Variants in LYVE1 observed in about 807,000 individuals in gnomAD.
The protein encoded by LYVE1 is lymphatic vessel endothelial hyaluronan receptor 1.
A neutral mutation model predicts 31.5 loss-of-function variants in LYVE1; 29 were observed. The ratio of observed to expected loss-of-function variants is 0.92; its 90% CI spans 0.69 to 1.26. LYVE1 has a LOEUF of 1.26. LYVE1 is among the 50% of genes most tolerant of loss of function. LYVE1 has a pLI of 0.00. For missense variants in LYVE1, 376 were observed against 380.2 expected (o/e 0.99, Z 0.09); for synonymous variants, 134 against 139.4 (o/e 0.96, Z 0.27).
At chr11:10,567,867 A>G (rs1850573276) in intron 1 of LYVE1, among the ~76,000 whole-genome samples, 1 of 152,240 alleles carries the variant, frequency 6.6e-6, no homozygotes, top group Admixed American at 6.5e-5. Flanking sequence ...TAAAATCAAA[A>G]TTAAAATAAT....
At chr11:10,568,301 T>C (rs895297780) in intron 1 of LYVE1, 147 bp downstream of exon 1, 4 of 532,724 alleles carry the variant, frequency 7.5e-6, no homozygotes, top group Non-Finnish European at 1.3e-5. Context: ...GACAATATGG[T>C]GGTACATTTT....
intron 1 of LYVE1, among the ~76,000 whole-genome samples, chr11:10,565,121 T>C (rs1850509626): frequency 6.6e-6 from 1 of 152,180 alleles, no homozygotes; most frequent in East Asian, 1.9e-4. Flanking sequence ...CTGAATAGGG[T>C]AGTGAAAGTT....
At chr11:10,566,568 G>A (rs895638082) in intron 1 of LYVE1, among the ~76,000 whole-genome samples, 1 of 152,122 alleles carries the variant, frequency 6.6e-6, no homozygotes, top group Non-Finnish European at 1.5e-5. Flanking sequence ...TATTGCTCAG[G>A]TCTCTTATAG....
At chr11:10,559,376 T>C in intron 5 of LYVE1, 79 bp from the exon 6 acceptor site, 2 of 1,075,122 alleles carry the variant, frequency 1.9e-6, no homozygotes, top group Non-Finnish European at 2.8e-6. Flanking sequence ...ATGGTACATA[T>C]TGGCACAGTA....
At chr11:10,565,187 C>G (rs1057355589) in intron 1 of LYVE1, among the ~76,000 whole-genome samples, 1 of 152,164 alleles carries the variant, frequency 6.6e-6, no homozygotes, top group Non-Finnish European at 1.5e-5. Context: ...ATGGTAGGTG[C>G]TTAATAAATC....
In LYVE1 at chr11:10,568,623, T is replaced by G; in HGVS notation, c.-91A>C. ...CTCAATAACTAGTCCGGATGGAGAG[T>G]TCTGGAACTATGTTGAGGCTCACAC... On this transcript the variant is annotated 5_prime_UTR_variant, in exon 1 of 6. Coordinates refer to ENST00000256178, the MANE Select transcript of LYVE1 (RefSeq NM_006691.4). 6.7e-7 allele frequency: 1 copy of G among 1,482,544 alleles called. No homozygotes were observed. Among genetic ancestry groups the G allele is most frequent in the Non-Finnish European group, 9.0e-7 (1 of 1,109,412 alleles). 91.8% of individuals were successfully genotyped at this position (1,482,544 alleles called of 1,614,324 possible).
Position 10,563,985 on chromosome 11 carries a change from C to G in LYVE1, c.352G>C (p.Val118Leu), listed in dbSNP as rs753037247. 1.9e-6 allele frequency: 3 copies of G among 1,614,160 alleles called. No homozygotes were observed. Among genetic ancestry groups the G allele is most frequent in the African/African-American group, 1.3e-5 (1 of 75,020 alleles). ...KNGVGVLIWK[V>L]PVSRQFAAYC... ...GCTGCAAACTGTCGGCTCACTGGAA[C>G]CTTCCAAATCAGGACACCCACCCCA... The change falls in exon 3 of 6, where the codon GTT (valine) becomes CTT (leucine). Residue 118 changes from valine to leucine, a missense_variant. Transcript: ENST00000256178.
At chr11:10,559,433 A>C (rs1591512364) in intron 5 of LYVE1, 136 bp from the exon 6 acceptor site, 3 of 648,606 alleles carry the variant, frequency 4.6e-6, no homozygotes, top group East Asian at 5.4e-5. Flanking sequence ...TGCATGCTCT[A>C]ATACATTAAG....
intron 3 of LYVE1, among the ~76,000 whole-genome samples, chr11:10,563,144 G>A (rs1318757926): frequency 3.3e-5 from 5 of 151,778 alleles, no homozygotes; most frequent in South Asian, 2.1e-4. Flanking sequence ...TAGTAGAGAC[G>A]GGGTTTCACC....
At chr11:10,564,959 A>G (rs1357707878) in intron 1 of LYVE1, among the ~76,000 whole-genome samples, 1 of 152,176 alleles carries the variant, frequency 6.6e-6, no homozygotes, top group Non-Finnish European at 1.5e-5. Context: ...GAAAAACTAA[A>G]TGAAGAAAGC....
rs1564876717 is a variant in LYVE1, at chr11:10,559,068, G to GAAAGA, written c.*38_*42dup. The stretch of plus-strand genomic sequence containing the variant: ...CCAGCTGGGGCAGGGTAAGGAGCAT[G>GAAAGA]AAAGAAACCAGCCTCAGGTGTGTCT... On this transcript the variant is annotated 3_prime_UTR_variant, in exon 6 of 6. Transcript: ENST00000256178. 1 of 1,584,520 alleles carries GAAAGA rather than the reference G, an allele frequency of 6.3e-7. No individual in the cohort carries two copies. Among genetic ancestry groups the GAAAGA allele is most frequent in the East Asian group, 2.2e-5 (1 of 44,720 alleles).
At chr11:10,561,314 T>A (rs1850419945) in intron 3 of LYVE1, among the ~76,000 whole-genome samples, 1 of 152,210 alleles carries the variant, frequency 6.6e-6, no homozygotes, top group Non-Finnish European at 1.5e-5. Flanking sequence ...AGAAACCCCG[T>A]CTGTCTTGGT....
In LYVE1 at chr11:10,560,599, A is replaced by G. The variant is rs1439772218; in HGVS notation, c.599T>C (p.Ile200Thr). The change falls in exon 4 of 6, where the codon ATT (isoleucine) becomes ACT (threonine). Residue 200 changes from isoleucine (I) to threonine (T), a missense_variant. Coordinates refer to ENST00000256178, the MANE Select transcript of LYVE1 (RefSeq NM_006691.4). Reference sequence around the variant, plus strand: ...TTCCATAAAAACTTCTGTGACACAAATCAATTTTTTTCTCCGTGGAATAGA... The same window carrying G: ...TTCCATAAAAACTTCTGTGACACAAGTCAATTTTTTTCTCCGTGGAATAGA... Reference protein sequence around the residue: ...STSIPRRKKLICVTEVFMETS... With the variant: ...STSIPRRKKLTCVTEVFMETS... 1.9e-6 allele frequency: 3 copies of G among 1,614,172 alleles called. No individual in the cohort carries two copies. The highest frequency in any genetic ancestry group is 3.3e-5 in the Admixed American group (2 of 60,022).
chr11:10,562,956 T>TC (rs1158055368), intron 3 of LYVE1, among the ~76,000 whole-genome samples: 2 of 137,276 alleles, frequency 1.5e-5, no homozygotes, highest in African/African-American at 2.8e-5. Flanking sequence ...CTTTTTTTTT[T>TC]TTTTTTTTTT....
intron 1 of LYVE1, 115 bp from the exon 2 acceptor site, chr11:10,564,489 G>A (rs1032487273): frequency 8.6e-6 from 8 of 926,244 alleles, no homozygotes; most frequent in Non-Finnish European, 1.1e-5. Context: ...ATCTGGCTGG[G>A]ACTGGGGTTT....
chr11:10,566,575 A>G (rs1356601795), intron 1 of LYVE1, among the ~76,000 whole-genome samples: 1 of 152,116 alleles, frequency 6.6e-6, no homozygotes, highest in Non-Finnish European at 1.5e-5. Flanking sequence ...CAGGTCTCTT[A>G]TAGCTACTTC....
chr11:10,562,410 A>G (rs1019493923), intron 3 of LYVE1, among the ~76,000 whole-genome samples: 1 of 152,224 alleles, frequency 6.6e-6, no homozygotes, highest in African/African-American at 2.4e-5. Flanking sequence ...AAGTTTCTCC[A>G]TGGGCCTTTT....
intron 1 of LYVE1, among the ~76,000 whole-genome samples, chr11:10,567,293 G>GTTTCCAAAAATGTAA (rs1262526252): frequency 5.3e-5 from 8 of 152,096 alleles, no homozygotes; most frequent in African/African-American, 1.9e-4. Context: ...ACTTTTGGTT[G>GTTTCCAAAAATGTAA]TTTCCAAAAA....
rs139171086 is a variant in LYVE1 at position 10,565,452 on chromosome 11, C to T, written c.86-1078G>A. On this transcript the variant is annotated intron_variant, in intron 1 of 5. Transcript: ENST00000256178. ...TCATCCACAAACATCCATAAAAGGG[C>T]ATTTAAATCTCTCAAGTAATTGCTT... 9.8e-4 allele frequency among the ~76,000 whole-genome samples: 150 copies of T among 152,308 alleles called. No homozygotes were observed. The Middle Eastern group carries it at 0.01, about 10-fold the overall frequency.
Sources: allele counts gnomAD v4.1 joint callset (sites outside exome capture counted in the v4.1 genomes callset), GRCh38; gene constraint gnomAD v4.1.1; transcripts MANE v1.5; gene names NCBI Gene and HGNC (gene_info 2026-07-23, HGNC 2026-07-21).